The following ADAMTS14 variants were observed in gnomAD, a reference collection of about 807,000 sequenced individuals.
ADAMTS14 encodes the protein A disintegrin and metalloproteinase with thrombospondin motifs 14.
A neutral mutation model predicts 128.6 loss-of-function variants in ADAMTS14; 100 were observed. The ratio of observed to expected loss-of-function variants is 0.78; its 90% CI spans 0.66 to 0.92. ADAMTS14 has a LOEUF of 0.92. Among genes scored for constraint, ADAMTS14 ranks in the 40% least tolerant of loss-of-function variants. The pLI, the probability that ADAMTS14 is intolerant of heterozygous loss-of-function variation, is 0.00. For missense variants in ADAMTS14, 1,562 were observed against 1,658.6 expected (o/e 0.94, Z 1.01); for synonymous variants, 665 against 653.8 (o/e 1.02, Z -0.26).
At chr10:70,678,593 C>G (rs113785494) in intron 2 of ADAMTS14, among the ~76,000 whole-genome samples, 1 of 149,308 alleles carries the variant, frequency 6.7e-6, no homozygotes, top group African/African-American at 2.5e-5. Context: ...CTAGAAGACA[C>G]GCGGGGCAGG....
chr10:70,675,579 C>G (rs1307888736), intron 2 of ADAMTS14, among the ~76,000 whole-genome samples: 4 of 152,188 alleles, frequency 2.6e-5, no homozygotes, highest in Non-Finnish European at 5.9e-5. Flanking sequence ...CTCCCTGTCT[C>G]TCCTCCCAGA....
intron 8 of ADAMTS14, among the ~76,000 whole-genome samples, chr10:70,734,851 T>C (rs975270277): frequency 6.6e-6 from 1 of 152,244 alleles, no homozygotes; most frequent in African/African-American, 2.4e-5. Context: ...ACCATTAGTC[T>C]TGGCCATATC....
At chr10:70,745,380 CA>C in intron 15 of ADAMTS14, 74 bp downstream of exon 15, 2 of 1,480,642 alleles carry the variant, frequency 1.4e-6, no homozygotes, top group Non-Finnish European at 1.9e-6. Flanking sequence ...GCTGGGAGAC[CA>C]GAGGACAAGA....
At chr10:70,701,737 A>G (rs1256015720) in intron 2 of ADAMTS14, among the ~76,000 whole-genome samples, 1 of 152,164 alleles carries the variant, frequency 6.6e-6, no homozygotes, top group Non-Finnish European at 1.5e-5. Context: ...TTTATCGTGA[A>G]TGAGCATTAG....
At chr10:70,701,341 T>A (rs2132591803) in intron 2 of ADAMTS14, among the ~76,000 whole-genome samples, 1 of 152,384 alleles carries the variant, frequency 6.6e-6, no homozygotes, top group South Asian at 2.1e-4. Context: ...GCGCTCCCAG[T>A]CCTTGGTATG....
At chr10:70,717,774 A>T (rs1841105387) in intron 4 of ADAMTS14, among the ~76,000 whole-genome samples, 1 of 152,110 alleles carries the variant, frequency 6.6e-6, no homozygotes, top group South Asian at 2.1e-4. Context: ...TTCCTCTAGA[A>T]ACCCTCTTGG....
At chr10:70,711,182 T>A (rs1181880356) in intron 4 of ADAMTS14, among the ~76,000 whole-genome samples, 24 of 152,234 alleles carry the variant, frequency 1.6e-4, no homozygotes, top group Admixed American at 1.6e-3. Flanking sequence ...CAGGTTCGCT[T>A]CTCTGTCTGT....
intron 2 of ADAMTS14, among the ~76,000 whole-genome samples, chr10:70,697,105 T>A (rs1453141236): frequency 6.6e-6 from 1 of 152,214 alleles, no homozygotes; most frequent in Non-Finnish European, 1.5e-5. Flanking sequence ...GAATGCACTC[T>A]CCTTGGGAGG....
chr10:70,674,312 G>A (rs1839574069), intron 1 of ADAMTS14, among the ~76,000 whole-genome samples: 1 of 152,166 alleles, frequency 6.6e-6, no homozygotes, highest in African/African-American at 2.4e-5. Flanking sequence ...GCTTTCTTCT[G>A]CTAAGTTTAA....
chr10:70,677,571 TC>T (rs1052917623), intron 2 of ADAMTS14, among the ~76,000 whole-genome samples: 9 of 151,896 alleles, frequency 5.9e-5, no homozygotes, highest in Non-Finnish European at 1.2e-4. Context: ...CTTGCCTGGG[TC>T]CCCCTCCCCT....
At chr10:70,706,371 C>T (rs1385007265) in intron 3 of ADAMTS14, among the ~76,000 whole-genome samples, 1 of 152,198 alleles carries the variant, frequency 6.6e-6, no homozygotes, top group African/African-American at 2.4e-5. Flanking sequence ...AGGGAGGGCT[C>T]TGAGGGGTCA....
At chr10:70,752,001 C>T (rs947150139) in intron 17 of ADAMTS14, 94 bp from the exon 18 acceptor site, 9 of 1,516,144 alleles carry the variant, frequency 5.9e-6, no homozygotes, top group Admixed American at 2.1e-5. Context: ...GGGATTGGCC[C>T]ACAAGGCTCT....
intron 3 of ADAMTS14, 46 bp downstream of exon 3, chr10:70,702,514 T>A (rs1351575179): frequency 5.8e-6 from 9 of 1,552,326 alleles, no homozygotes; most frequent in Non-Finnish European, 7.8e-6. Context: ...TCCCTACCTC[T>A]GGAGTGTTTC....
At chr10:70,680,257 C>T (rs545100239) in intron 2 of ADAMTS14, among the ~76,000 whole-genome samples, 9 of 151,978 alleles carry the variant, frequency 5.9e-5, no homozygotes, top group Admixed American at 1.3e-4. Flanking sequence ...CAAAATTAGC[C>T]GGTCATGGTG....
chr10:70,713,507 G>A (rs7392902), intron 4 of ADAMTS14, among the ~76,000 whole-genome samples: 24,101 of 152,270 alleles, frequency 0.16, 2,491 homozygotes, highest in East Asian at 0.56. Context: ...TTAGGGCACC[G>A]TCCCCTACTC....
In ADAMTS14 at chr10:70,674,734, C is replaced by T. The variant is rs749952998; in HGVS notation, c.261C>T (p.Arg87=). 1 of 1,613,490 alleles carries T rather than the reference C, an allele frequency of 6.2e-7. No homozygotes were observed. The highest frequency in any genetic ancestry group is 8.5e-7 in the Non-Finnish European group (1 of 1,179,976). The change falls in exon 2 of 22, where the codon CGC becomes CGT. Residue 87 remains arginine, a synonymous_variant. Coordinates refer to ENST00000373207, the MANE Select transcript of ADAMTS14 (RefSeq NM_080722.4). The part of the protein sequence containing the change: ...PRHSSHLRVA[R]SPLHPGGTLW... Reference sequence around the variant, plus strand: ...ACTCCAGTCACCTCCGGGTGGCTCGCAGCCCTCTGCACCCAGGAGGGACCC... The same window carrying T: ...ACTCCAGTCACCTCCGGGTGGCTCGTAGCCCTCTGCACCCAGGAGGGACCC...
rs1210259719 is a variant in ADAMTS14 at position 70,707,388 on chromosome 10, G to C, written c.680-1200G>C. Reference sequence around the variant, plus strand: ...TAAATGAAGGTTCTTAGAAATTAATGGTATGAGTATCAAAGCTTCAGAGTG... The same window carrying C: ...TAAATGAAGGTTCTTAGAAATTAATCGTATGAGTATCAAAGCTTCAGAGTG... On this transcript the variant is annotated intron_variant, in intron 3 of 21. Coordinates refer to ENST00000373207, the MANE Select transcript of ADAMTS14 (RefSeq NM_080722.4). Among the ~76,000 whole-genome samples the C allele has an allele frequency of 2.0e-5, 3 of 152,258 alleles. No individual in the cohort carries two copies. In the East Asian group the frequency reaches 5.8e-4, roughly 29 times the overall value.
At chr10:70,735,101 C>G in intron 8 of ADAMTS14, 68 bp from the exon 9 acceptor site, 4 of 1,560,494 alleles carry the variant, frequency 2.6e-6, no homozygotes, top group Admixed American at 1.8e-5. Flanking sequence ...AAACCCCAGC[C>G]CCTGGGAAGG....
chr10:70,744,264 C>T, intron 14 of ADAMTS14, 75 bp downstream of exon 14: 1 of 1,447,234 alleles, frequency 6.9e-7, no homozygotes, highest in Non-Finnish European at 9.1e-7. Flanking sequence ...GCCCTCCCTC[C>T]TTGAACTGTG....
Sources: gnomAD v4.1 joint callset for allele counts (sites outside exome capture counted in the v4.1 genomes callset) on GRCh38, gnomAD v4.1.1 for gene constraint, MANE v1.5 for transcripts, NCBI Gene and HGNC (gene_info 2026-07-23, HGNC 2026-07-21) for gene names.